The following FGF12 variants were observed in gnomAD, a reference collection of about 807,000 sequenced individuals.
The protein encoded by FGF12 is fibroblast growth factor 12, also known as fibroblast growth factor 12B.
Under a neutral mutation model 23.6 loss-of-function variants are expected in FGF12, and 14 were observed. The ratio of observed to expected loss-of-function variants is 0.59; its 90% confidence interval spans 0.39 to 0.93. The LOEUF is 0.93. FGF12 is among the 40% of genes least tolerant of loss of function. FGF12 has a pLI of 0.00. For synonymous variants in FGF12, 62 were observed against 77.3 expected (o/e 0.80, Z 1.04); for missense variants, 175 against 217.8 (o/e 0.80, Z 1.24).
Position 192,190,983 on chromosome 3 carries a change from C to A in FGF12, c.229-20327G>T, listed in dbSNP as rs75368442. Reference sequence around the variant, plus strand: ...GAATATTCATTATTTCTGTCGATTTCTTTAGGCTATCCTAAGAGTGAGCCT... The same window carrying A: ...GAATATTCATTATTTCTGTCGATTTATTTAGGCTATCCTAAGAGTGAGCCT... On this transcript the variant is annotated intron_variant, in intron 4 of 5. Coordinates refer to ENST00000445105, the MANE Select transcript of FGF12 (RefSeq NM_004113.6). 3.2e-3 allele frequency among the ~76,000 whole-genome samples: 488 copies of A among 152,214 alleles called. 2 individuals carry two copies. Among genetic ancestry groups the A allele is most frequent in the African/African-American group, 0.011 (469 of 41,548 alleles).
chr3:192,596,111 A>C (rs1222622167), intron 2 of FGF12, among the ~76,000 whole-genome samples: 2 of 146,322 alleles, frequency 1.4e-5, no homozygotes, highest in African/African-American at 5.0e-5. Flanking sequence ...ATATAATATA[A>C]TATAATATAA....
At chr3:192,177,569 A>G (rs1328495448) in intron 4 of FGF12, among the ~76,000 whole-genome samples, 3 of 152,076 alleles carry the variant, frequency 2.0e-5, no homozygotes, top group Non-Finnish European at 4.4e-5. Context: ...ATTCATCTTC[A>G]CTCTGCTCTT....
rs5855427 is a variant in FGF12, at chr3:192,439,976, G to GAAAA, written c.14-79442_14-79439dup. 3.6e-3 allele frequency among the ~76,000 whole-genome samples: 414 copies of GAAAA among 114,142 alleles called. 5 individuals are homozygous for GAAAA. The highest frequency in any genetic ancestry group is 0.013 in the African/African-American group (399 of 30,136). The allele number at this position is 114,142 out of a possible 152,430, so 74.9% of individuals were successfully genotyped here. On this transcript the variant is annotated intron_variant, in intron 2 of 5. Coordinates refer to ENST00000445105, the MANE Select transcript of FGF12 (RefSeq NM_004113.6). ...AGGTGACAGAGCAAGACTCCATATG[G>GAAAA]AAAAAAAAAAAAAAAAGCATAATAT...
At chr3:192,486,603 G>A (rs1723640777) in intron 2 of FGF12, among the ~76,000 whole-genome samples, 1 of 152,082 alleles carries the variant, frequency 6.6e-6, no homozygotes, top group Non-Finnish European at 1.5e-5. Context: ...TGAGCAGGAG[G>A]AAGAAGAGCA....
In FGF12 at chr3:192,676,569, A is replaced by G. The variant is rs138905818; in HGVS notation, c.13+50612T>C. On this transcript the variant is annotated intron_variant, in intron 2 of 5. Coordinates refer to ENST00000445105, the MANE Select transcript of FGF12 (RefSeq NM_004113.6). Reference sequence around the variant, plus strand: ...TTTGTGGGTTGTACTGTGTCTCCCCAAAATTCATATGTTGAATTCCTCACC... The same window carrying G: ...TTTGTGGGTTGTACTGTGTCTCCCCGAAATTCATATGTTGAATTCCTCACC... Among the ~76,000 whole-genome samples, 90 of 152,342 alleles carry G rather than the reference A, an allele frequency of 5.9e-4. 1 individual carries two copies. The East Asian group carries it at 0.017, about 29-fold the overall frequency.
At chr3:192,247,079 A>AGGAT (rs1711664020) in intron 4 of FGF12, among the ~76,000 whole-genome samples, 2 of 148,226 alleles carry the variant, frequency 1.3e-5, no homozygotes, top group Non-Finnish European at 3.0e-5. Context: ...GAAGGAAGGA[A>AGGAT]GGAAGGAAGG....
intron 2 of FGF12, among the ~76,000 whole-genome samples, chr3:192,535,465 G>T (rs890452349): frequency 2.6e-5 from 4 of 152,154 alleles, no homozygotes; most frequent in Admixed American, 6.5e-5. Context: ...TGGAGGAAAT[G>T]GAATTAATCT....
At chr3:192,485,047 T>TTATATTTTATATGTGTACACA (rs1723593791) in intron 2 of FGF12, among the ~76,000 whole-genome samples, 2 of 147,132 alleles carry the variant, frequency 1.4e-5, no homozygotes, top group Admixed American at 1.3e-4. Context: ...TTTTAAAATT[T>TTATATTTTATATGTGTACACA]TAAATTTTAT....
At chr3:192,318,089 C>G (rs942439243) in intron 4 of FGF12, among the ~76,000 whole-genome samples, 5 of 152,144 alleles carry the variant, frequency 3.3e-5, no homozygotes, top group Non-Finnish European at 7.3e-5. Context: ...GATCACAACA[C>G]CCAAGTCCTT....
intron 2 of FGF12, among the ~76,000 whole-genome samples, chr3:192,647,865 C>A (rs1716072752): frequency 6.6e-6 from 1 of 151,466 alleles, no homozygotes; most frequent in Non-Finnish European, 1.5e-5. Flanking sequence ...AATAACCAAG[C>A]AAACTAAATA....
intron 2 of FGF12, among the ~76,000 whole-genome samples, chr3:192,679,951 G>A (rs1717461345): frequency 2.0e-5 from 3 of 152,132 alleles, no homozygotes; most frequent in South Asian, 2.1e-4. Context: ...GACACCAGGT[G>A]TATGCCTGAT....
chr3:192,302,284 T>C (rs1715392403), intron 4 of FGF12, among the ~76,000 whole-genome samples: 1 of 152,238 alleles, frequency 6.6e-6, no homozygotes, highest in Admixed American at 6.5e-5. Context: ...AAACAGACTC[T>C]GCTCCATTTT....
At chr3:192,446,769 A>C (rs1011988219) in intron 2 of FGF12, among the ~76,000 whole-genome samples, 4 of 152,174 alleles carry the variant, frequency 2.6e-5, no homozygotes, top group Non-Finnish European at 4.4e-5. Context: ...AAACATGGAC[A>C]TACACCACCT....
At chr3:192,386,092 G>A (rs1720028352) in intron 2 of FGF12, among the ~76,000 whole-genome samples, 1 of 152,198 alleles carries the variant, frequency 6.6e-6, no homozygotes, top group African/African-American at 2.4e-5. Context: ...AATATGGGGT[G>A]AATAAACGAG....
intron 2 of FGF12, among the ~76,000 whole-genome samples, chr3:192,396,497 C>T (rs9839293): frequency 7.9e-5 from 12 of 152,272 alleles, no homozygotes; most frequent in Admixed American, 2.0e-4. Context: ...ATAGGCTTAT[C>T]GCAAATTTCA....
intron 4 of FGF12, among the ~76,000 whole-genome samples, chr3:192,255,665 C>T (rs1303591870): frequency 6.6e-6 from 1 of 151,984 alleles, no homozygotes; most frequent in African/African-American, 2.4e-5. Flanking sequence ...TCAATGTAAA[C>T]CTAACTTTAT....
chr3:192,217,304 T>C (rs1718241140), intron 4 of FGF12, among the ~76,000 whole-genome samples: 1 of 152,230 alleles, frequency 6.6e-6, no homozygotes, highest in Non-Finnish European at 1.5e-5. Context: ...GTTGTTTTTG[T>C]TGTTGTTACT....
chr3:192,162,913 T>C (rs916335324), intron 5 of FGF12, among the ~76,000 whole-genome samples: 25 of 152,084 alleles, frequency 1.6e-4, no homozygotes, highest in African/African-American at 5.8e-4. Context: ...ATTTTTCCAA[T>C]ACAAAACACA....
chr3:192,213,909 G>C (rs1290461851), intron 4 of FGF12, among the ~76,000 whole-genome samples: 2 of 152,238 alleles, frequency 1.3e-5, no homozygotes, highest in South Asian at 4.1e-4. Flanking sequence ...ATTTGACTGT[G>C]AGTGAGCTCT....
Sources: gnomAD v4.1 joint callset for allele counts (sites outside exome capture counted in the v4.1 genomes callset) on GRCh38, gnomAD v4.1.1 for gene constraint, MANE v1.5 for transcripts, NCBI Gene and HGNC (gene_info 2026-07-23, HGNC 2026-07-21) for gene names.